Variants in DNAJC3 observed in about 807,000 individuals in gnomAD.
The protein encoded by DNAJC3 is DnaJ heat shock protein family (Hsp40) member C3, also known as dnaJ homolog subfamily C member 3.
A neutral mutation model predicts 68.6 loss-of-function variants in DNAJC3; 38 were observed. That is an observed-to-expected ratio of 0.55 (90% CI 0.43 to 0.73). The LOEUF (loss-of-function observed/expected upper bound fraction) is 0.73, where lower values mean the gene tolerates loss of function less well. DNAJC3 is among the 30% of genes least tolerant of loss of function. DNAJC3 has a pLI of 0.00. For missense variants in DNAJC3, 526 were observed against 591.9 expected (o/e 0.89, Z 1.16); for synonymous variants, 203 against 204.0 (o/e 1.00, Z 0.04).
chr13:95,783,778 G>T (rs1032314900), intron 9 of DNAJC3, among the ~76,000 whole-genome samples: 6 of 152,170 alleles, frequency 3.9e-5, no homozygotes, highest in African/African-American at 1.4e-4. Context: ...AAAGACAGGG[G>T]GTCCTTGTCA....
chr13:95,714,304 A>G (rs1881066986), intron 2 of DNAJC3, among the ~76,000 whole-genome samples: 1 of 151,780 alleles, frequency 6.6e-6, no homozygotes, highest in Admixed American at 6.6e-5. Flanking sequence ...CTGAGGCGGG[A>G]GGACTGCTTG....
intron 2 of DNAJC3, among the ~76,000 whole-genome samples, chr13:95,718,870 G>T (rs996362666): frequency 2.6e-5 from 4 of 152,184 alleles, no homozygotes; most frequent in African/African-American, 9.7e-5. Context: ...AGATTCTTCA[G>T]CAGACAGCAG....
chr13:95,777,049 T>C (rs1340076661), intron 9 of DNAJC3, among the ~76,000 whole-genome samples: 2 of 152,250 alleles, frequency 1.3e-5, no homozygotes, highest in Non-Finnish European at 2.9e-5. Context: ...CAGCCATCAC[T>C]TGGTGAGTTC....
At chr13:95,731,607 C>A (rs1881712779) in intron 4 of DNAJC3, among the ~76,000 whole-genome samples, 1 of 152,190 alleles carries the variant, frequency 6.6e-6, no homozygotes, top group Non-Finnish European at 1.5e-5. Context: ...ATACTGATTT[C>A]TAAATGTTGA....
At chr13:95,682,882 G>A (rs1879959556) in intron 1 of DNAJC3, among the ~76,000 whole-genome samples, 1 of 152,170 alleles carries the variant, frequency 6.6e-6, no homozygotes, top group South Asian at 2.1e-4. Flanking sequence ...ATACGTTTAA[G>A]TAAAAAGGCA....
chr13:95,785,630 T>G (rs1334331668), intron 9 of DNAJC3, among the ~76,000 whole-genome samples: 1 of 150,454 alleles, frequency 6.6e-6, no homozygotes, highest in Non-Finnish European at 1.5e-5. Context: ...GGCTAATTTT[T>G]GTGTTTTTTT....
chr13:95,700,234 C>T (rs1267018003), intron 1 of DNAJC3, among the ~76,000 whole-genome samples: 1 of 152,190 alleles, frequency 6.6e-6, no homozygotes, highest in Non-Finnish European at 1.5e-5. Flanking sequence ...TACAGGTCTG[C>T]ATCACTGAGC....
At chr13:95,751,000 C>T (rs924178730) in intron 4 of DNAJC3, among the ~76,000 whole-genome samples, 4 of 152,176 alleles carry the variant, frequency 2.6e-5, no homozygotes, top group African/African-American at 9.6e-5. Flanking sequence ...AATCCCAGCA[C>T]TTTGGAAGGC....
At chr13:95,751,038 C>G (rs541238090) in intron 4 of DNAJC3, among the ~76,000 whole-genome samples, 1 of 152,138 alleles carries the variant, frequency 6.6e-6, no homozygotes, top group Non-Finnish European at 1.5e-5. Context: ...AGCTTGAGAC[C>G]AACCTAGGCA....
At chr13:95,737,672 C>T (rs1207342439) in intron 4 of DNAJC3, among the ~76,000 whole-genome samples, 1 of 151,690 alleles carries the variant, frequency 6.6e-6, no homozygotes, top group East Asian at 1.9e-4. Flanking sequence ...GTGATATCCC[C>T]TTTATCATTT....
chr13:95,682,950 A>G (rs1413146016), intron 1 of DNAJC3, among the ~76,000 whole-genome samples: 1 of 152,272 alleles, frequency 6.6e-6, no homozygotes, highest in African/African-American at 2.4e-5. Flanking sequence ...ATACTGAATT[A>G]GGTGATACAA....
At chr13:95,688,920 TTGTGTGGG>T (rs1225347366) in intron 1 of DNAJC3, among the ~76,000 whole-genome samples, 7 of 124,350 alleles carry the variant, frequency 5.6e-5, no homozygotes, top group Non-Finnish European at 9.7e-5. Context: ...GCCCATTTGA[TTGTGTGGG>T]TGTGTGTGTG....
chr13:95,780,346 T>C (rs1381318633), intron 9 of DNAJC3, among the ~76,000 whole-genome samples: 1 of 152,218 alleles, frequency 6.6e-6, no homozygotes, highest in African/African-American at 2.4e-5. Context: ...TTTACCTCTG[T>C]CTTGCCCCAG....
intron 1 of DNAJC3, among the ~76,000 whole-genome samples, chr13:95,685,316 G>T (rs1269360147): frequency 6.6e-6 from 1 of 152,242 alleles, no homozygotes; most frequent in South Asian, 2.1e-4. Context: ...TGCCCTGCTG[G>T]GTTTTAGCAC....
chr13:95,760,190 T>C lies in DNAJC3; in HGVS notation c.697T>C (p.Tyr233His), dbSNP rs1882780336. The C allele has an allele frequency of 6.2e-7, 1 of 1,606,810 alleles. No homozygotes were observed. The highest frequency in any genetic ancestry group is 1.7e-5 in the Admixed American group (1 of 59,230). Residue 233 changes from tyrosine to histidine, a missense_variant, in exon 6 of 12, where the codon TAC becomes CAC. Transcript: ENST00000602402. The stretch of plus-strand genomic sequence containing the variant: ...GTTTTATAAAATAAGCACACTGTAC[T>C]ACCAACTAGGAGACCACGAACTGTC... Reference protein sequence around the residue: ...EAFYKISTLYYQLGDHELSLS... With the variant: ...EAFYKISTLYHQLGDHELSLS...
chr13:95,719,228 C>T (rs528750016), intron 2 of DNAJC3, among the ~76,000 whole-genome samples: 1 of 152,336 alleles, frequency 6.6e-6, no homozygotes, highest in Non-Finnish European at 1.5e-5. Context: ...CTTCTTTGCC[C>T]TCTCTGGGTG....
At chr13:95,739,196 A>G (rs950305480) in intron 4 of DNAJC3, among the ~76,000 whole-genome samples, 3 of 151,926 alleles carry the variant, frequency 2.0e-5, no homozygotes, top group Non-Finnish European at 4.4e-5. Context: ...GAGATCCGCT[A>G]TTAGTCTGAT....
At chr13:95,707,842 T>C in intron 1 of DNAJC3, among the ~76,000 whole-genome samples, 1 of 152,170 alleles carries the variant, frequency 6.6e-6, no homozygotes. Flanking sequence ...GGAGAAGGTA[T>C]AGCTGTAGCC....
chr13:95,726,625 G>A (rs1405025527), intron 4 of DNAJC3, among the ~76,000 whole-genome samples: 1 of 152,106 alleles, frequency 6.6e-6, no homozygotes, highest in Admixed American at 6.5e-5. Flanking sequence ...TACAGATTTT[G>A]TGTCATTGAA....
Sources: allele counts gnomAD v4.1 joint callset (sites outside exome capture counted in the v4.1 genomes callset), GRCh38; gene constraint gnomAD v4.1.1; transcripts MANE v1.5; gene names NCBI Gene and HGNC (gene_info 2026-07-23, HGNC 2026-07-21).